SRGAP2C: variants seen among roughly 807,000 people sequenced by gnomAD.
SRGAP2C encodes SLIT-ROBO Rho GTPase activating protein 2C.
Under a neutral mutation model 25.1 loss-of-function variants are expected in SRGAP2C, and 15 were observed. The ratio of observed to expected loss-of-function variants is 0.60; its 90% CI spans 0.40 to 0.92. The LOEUF is 0.92. SRGAP2C is among the 40% of genes least tolerant of loss of function. SRGAP2C has a pLI of 0.00. For missense variants in SRGAP2C, 144 were observed against 264.4 expected, an observed-to-expected ratio of 0.54 and a Z score of 3.16; for synonymous variants, 44 against 96.6, an observed-to-expected ratio of 0.46 and a Z score of 3.19.
intron 2 of SRGAP2C, among the ~76,000 whole-genome samples, chr1:121,216,032 C>A (rs1655373979): frequency 6.6e-6 from 1 of 152,008 alleles, no homozygotes; most frequent in Non-Finnish European, 1.5e-5. Flanking sequence ...CTTTCCCCTG[C>A]AGGGGCCTCT....
At chr1:121,321,788 CCATCTTTGTTCAGT>C (rs1658209559) in intron 3 of SRGAP2C, among the ~76,000 whole-genome samples, 1 of 151,926 alleles carries the variant, frequency 6.6e-6, no homozygotes, top group Non-Finnish European at 1.5e-5. Flanking sequence ...GTTTATTGAC[CCATCTTTGTTCAGT>C]CATCTTTTCT....
In SRGAP2C at chr1:121,389,191, CAG is replaced by C. The variant is rs1471983123; in HGVS notation, c.*1338_*1339del. 1 of 152,088 alleles carries C rather than the reference CAG, an allele frequency of 6.6e-6. No homozygotes were observed. Among genetic ancestry groups the C allele is most frequent in the Non-Finnish European group, 1.5e-5 (1 of 67,996 alleles). The allele number at this position is 152,088 out of a possible 1,614,324, so 9.4% of individuals were successfully genotyped here. A position where few individuals can be genotyped will look rare whatever the true frequency, so the allele number is the denominator to read the frequency against. On this transcript the variant is annotated 3_prime_UTR_variant, in exon 10 of 10. Coordinates refer to ENST00000367123, the MANE Select transcript of SRGAP2C (RefSeq NM_001329984.2). ...TATTAAAACCTATACAAAAAAATAA[CAG>C]AATGGCATTTTAGCTCATTCATTGA...
intron 1 of SRGAP2C, 198 bp downstream of exon 1, chr1:121,185,322 C>T: frequency 1.2e-6 from 1 of 820,338 alleles, no homozygotes; most frequent in Non-Finnish European, 1.7e-6. Flanking sequence ...TAATACTTCT[C>T]AGGACTGCGA....
At chr1:121,228,910 A>G (rs587641039) in intron 2 of SRGAP2C, among the ~76,000 whole-genome samples, 56 of 151,956 alleles carry the variant, frequency 3.7e-4, no homozygotes, top group African/African-American at 1.3e-3. Context: ...GAGCCTCCAT[A>G]CTGTGGGGGT....
At chr1:121,307,267 C>CT (rs1453779592) in intron 3 of SRGAP2C, among the ~76,000 whole-genome samples, 3 of 148,860 alleles carry the variant, frequency 2.0e-5, no homozygotes, top group Admixed American at 6.7e-5. Flanking sequence ...ATCCAGGCTA[C>CT]TTTTTTCTGT....
At chr1:121,367,953 G>A (rs2101653817) in intron 5 of SRGAP2C, among the ~76,000 whole-genome samples, 1 of 104,026 alleles carries the variant, frequency 9.6e-6, no homozygotes, top group East Asian at 3.4e-4. Context: ...GCGGGTGCCT[G>A]TCGTCCCAGC....
chr1:121,368,395 A>ACT (rs1659398040), intron 5 of SRGAP2C, among the ~76,000 whole-genome samples: 1 of 115,542 alleles, frequency 8.7e-6, no homozygotes, highest in African/African-American at 3.5e-5. Flanking sequence ...ACAGAGCAAG[A>ACT]CTCTGTCTCA....
chr1:121,198,520 C>A (rs1654897158), intron 2 of SRGAP2C, among the ~76,000 whole-genome samples: 1 of 123,486 alleles, frequency 8.1e-6, no homozygotes, highest in African/African-American at 3.1e-5. Context: ...GGACAAAGCA[C>A]AGAAAACAAA....
chr1:121,309,353 T>C (rs1423752632), intron 3 of SRGAP2C, among the ~76,000 whole-genome samples: 5 of 143,444 alleles, frequency 3.5e-5, no homozygotes, highest in Non-Finnish European at 7.6e-5. Flanking sequence ...GGAGTACTAA[T>C]AAAGAACCAA....
intron 4 of SRGAP2C, chr1:121,360,949 C>CTTTTTTTGGAAAAAAAAAGCAG (rs1659178156): frequency 7.3e-6 from 1 of 136,594 alleles, no homozygotes; most frequent in Non-Finnish European, 1.6e-5. Context: ...AAACTGGATT[C>CTTTTTTTGGAAAAAAAAAGCAG]TTTTTTGGAA....
At chr1:121,189,123 T>TTA (rs1247236788) in intron 2 of SRGAP2C, among the ~76,000 whole-genome samples, 1 of 84,076 alleles carries the variant, frequency 1.2e-5, no homozygotes, top group African/African-American at 5.5e-5. Context: ...TTTTTTTTTT[T>TTA]AACACATCCT....
intron 2 of SRGAP2C, among the ~76,000 whole-genome samples, chr1:121,273,861 G>A (rs1657037894): frequency 1.3e-5 from 2 of 151,846 alleles, no homozygotes; most frequent in South Asian, 4.1e-4. Flanking sequence ...GAGAAAGCCT[G>A]GGTGGGATTG....
intron 3 of SRGAP2C, among the ~76,000 whole-genome samples, chr1:121,310,445 A>T (rs2101595734): frequency 7.4e-6 from 1 of 135,126 alleles, no homozygotes; most frequent in Non-Finnish European, 1.6e-5. Context: ...CCCATTTGTC[A>T]ATTTTGGCTT....
rs1660016270 is a variant in SRGAP2C at position 121,389,207 on chromosome 1, CT to C, written c.*1353del. The C allele has an allele frequency of 6.6e-6, 1 of 151,798 alleles. No homozygotes were observed. Among genetic ancestry groups the C allele is most frequent in the Non-Finnish European group, 1.5e-5 (1 of 67,960 alleles). The allele number at this position is 151,798 out of a possible 1,614,324, so 9.4% of individuals were successfully genotyped here. A position where few individuals can be genotyped will look rare whatever the true frequency, so the allele number is the denominator to read the frequency against. On this transcript the variant is annotated 3_prime_UTR_variant, in exon 10 of 10. Transcript: ENST00000367123. Reference sequence around the variant, plus strand: ...AAAAAATAACAGAATGGCATTTTAGCTCATTCATTGATTTTTATAAAATATT... The same window carrying C: ...AAAAAATAACAGAATGGCATTTTAGCCATTCATTGATTTTTATAAAATATT...
chr1:121,357,213 G>A (rs1313011338), intron 4 of SRGAP2C, among the ~76,000 whole-genome samples: 13 of 140,892 alleles, frequency 9.2e-5, no homozygotes, highest in Admixed American at 1.4e-4. Flanking sequence ...AAAGCCGTAA[G>A]GAAATGGCTT....
intron 3 of SRGAP2C, among the ~76,000 whole-genome samples, chr1:121,285,893 C>A (rs1657353625): frequency 6.6e-6 from 1 of 152,010 alleles, no homozygotes; most frequent in Non-Finnish European, 1.5e-5. Flanking sequence ...CAGTCCACAG[C>A]AGGGGTGTCC....
chr1:121,375,705 T>A (rs1553352996), intron 7 of SRGAP2C, among the ~76,000 whole-genome samples: 1 of 151,092 alleles, frequency 6.6e-6, no homozygotes, highest in African/African-American at 2.4e-5. Flanking sequence ...AACTAAAGAG[T>A]TACAATGCCA....
At chr1:121,264,736 T>C (rs1296411176) in intron 2 of SRGAP2C, among the ~76,000 whole-genome samples, 3 of 149,854 alleles carry the variant, frequency 2.0e-5, no homozygotes, top group African/African-American at 7.4e-5. Context: ...AGCATCGTCT[T>C]TTTCCCCGAT....
Position 121,221,710 on chromosome 1 carries a change from CA to C in SRGAP2C, c.67+34219del, listed in dbSNP as rs782207301. Among the ~76,000 whole-genome samples, 147 of 21,622 alleles carry C rather than the reference CA, an allele frequency of 6.8e-3. 1 individual carries two copies. The highest frequency in any genetic ancestry group is 0.021 in the African/African-American group (80 of 3,760). The allele number at this position is 21,622 out of a possible 152,430, so 14.2% of individuals were successfully genotyped here. On this transcript the variant is annotated intron_variant, in intron 2 of 9. Coordinates refer to ENST00000367123, the MANE Select transcript of SRGAP2C (RefSeq NM_001329984.2). The stretch of plus-strand genomic sequence containing the variant: ...TGGGCAACAGAGTGAGACAACGTCT[CA>C]AAAAAAAAAAAAAAAAAAAAACATT...
Sources: gnomAD v4.1 joint callset for allele counts (sites outside exome capture counted in the v4.1 genomes callset) on GRCh38, gnomAD v4.1.1 for gene constraint, MANE v1.5 for transcripts, NCBI Gene and HGNC (gene_info 2026-07-23, HGNC 2026-07-21) for gene names.